The following EMCN variants were observed in gnomAD, a reference collection of about 807,000 sequenced individuals.
EMCN encodes endomucin, also known as MUC-14.
EMCN carries 37 observed loss-of-function variants against 38.4 expected under a neutral mutation model. The ratio of observed to expected loss-of-function variants is 0.96; its 90% CI spans 0.74 to 1.27. The LOEUF (loss-of-function observed/expected upper bound fraction) is 1.27. Ranked by LOEUF, EMCN falls within the 50% of genes most tolerant of loss-of-function variation. The pLI, the probability that EMCN is intolerant of heterozygous loss-of-function variation, is 0.00. For synonymous variants in EMCN, 95 were observed against 100.8 expected, an observed-to-expected ratio of 0.94 and a Z score of 0.35; for missense variants, 318 against 302.8, an observed-to-expected ratio of 1.05 and a Z score of -0.37.
At chr4:100,414,855 T>C (rs1027088541) in intron 10 of EMCN, among the ~76,000 whole-genome samples, 2 of 152,202 alleles carry the variant, frequency 1.3e-5, no homozygotes, top group African/African-American at 4.8e-5. Flanking sequence ...ATTATAAATG[T>C]ATTAATGTAA....
At chr4:100,444,739 G>A (rs1486827846) in intron 5 of EMCN, among the ~76,000 whole-genome samples, 1 of 152,098 alleles carries the variant, frequency 6.6e-6, no homozygotes, top group African/African-American at 2.4e-5. Context: ...CTCACGCTTG[G>A]AGCAGGATGC....
chr4:100,399,982 T>A (rs1353443521), intron 11 of EMCN, among the ~76,000 whole-genome samples: 1 of 152,178 alleles, frequency 6.6e-6, no homozygotes, highest in Non-Finnish European at 1.5e-5. Flanking sequence ...ACTTTTGATG[T>A]CATTAGTGAA....
rs1189858290 is a variant in EMCN at position 100,396,987 on chromosome 4, C to T, written c.*1426G>A. ...CCATCCTTCTCAAAGAGACACCAGT[C>T]AGAAATATAGATATGCTTATGCTTG... On this transcript the variant is annotated 3_prime_UTR_variant, in exon 12 of 12. Transcript: ENST00000296420. The T allele has an allele frequency of 1.3e-5, 2 of 150,564 alleles. No homozygotes were observed. The highest frequency in any genetic ancestry group is 1.3e-4 in the Admixed American group (2 of 15,036). 9.3% of individuals were successfully genotyped at this position (150,564 alleles called of 1,614,324 possible).
chr4:100,428,808 G>T (rs527319837), intron 5 of EMCN, among the ~76,000 whole-genome samples: 1 of 152,226 alleles, frequency 6.6e-6, no homozygotes, highest in East Asian at 1.9e-4. Context: ...ACCACTAAAT[G>T]TTGAAGAAAA....
intron 1 of EMCN, among the ~76,000 whole-genome samples, chr4:100,505,037 GTCTC>G (rs1052519569): frequency 6.6e-6 from 1 of 152,184 alleles, no homozygotes; most frequent in Non-Finnish European, 1.5e-5. Context: ...GGCATAAGCT[GTCTC>G]TCTCTCTTTC....
chr4:100,482,140 T>G (rs1420178301), intron 1 of EMCN, among the ~76,000 whole-genome samples: 1 of 152,152 alleles, frequency 6.6e-6, no homozygotes, highest in Non-Finnish European at 1.5e-5. Context: ...TAAACCAGTG[T>G]TTTTCATACT....
chr4:100,431,692 A>G (rs1392249953), intron 5 of EMCN, among the ~76,000 whole-genome samples: 3 of 151,664 alleles, frequency 2.0e-5, no homozygotes, highest in Non-Finnish European at 4.4e-5. Context: ...CTCAGCCTCT[A>G]TTATCACATG....
At chr4:100,416,974 G>T in intron 9 of EMCN, 143 bp downstream of exon 9, 3 of 741,630 alleles carry the variant, frequency 4.0e-6, no homozygotes, top group Non-Finnish European at 6.8e-6. Context: ...CTGTTAAATG[G>T]AGAGAGCTCT....
chr4:100,436,966 G>A (rs564005592), intron 5 of EMCN, among the ~76,000 whole-genome samples: 1 of 152,156 alleles, frequency 6.6e-6, no homozygotes, highest in Non-Finnish European at 1.5e-5. Context: ...AAACCATCAC[G>A]GCACACGTTT....
chr4:100,485,939 G>A (rs1021053277), intron 1 of EMCN, among the ~76,000 whole-genome samples: 2 of 151,928 alleles, frequency 1.3e-5, no homozygotes, highest in Non-Finnish European at 1.5e-5. Context: ...CATTAGCCAA[G>A]AGTCATTTGC....
At chr4:100,430,799 A>G (rs148406543) in intron 5 of EMCN, among the ~76,000 whole-genome samples, 1 of 152,168 alleles carries the variant, frequency 6.6e-6, no homozygotes, top group Non-Finnish European at 1.5e-5. Context: ...ACACGATCAC[A>G]TATACGTTGA....
At chr4:100,466,398 T>TA (rs1328243391) in intron 3 of EMCN, among the ~76,000 whole-genome samples, 3 of 152,232 alleles carry the variant, frequency 2.0e-5, no homozygotes, top group Non-Finnish European at 4.4e-5. Context: ...TGCAGTCAAC[T>TA]TCCATTCTAT....
chr4:100,460,800 A>G (rs1728158528), intron 4 of EMCN, among the ~76,000 whole-genome samples: 1 of 152,178 alleles, frequency 6.6e-6, no homozygotes, highest in Admixed American at 6.6e-5. Flanking sequence ...TTCATTTGAT[A>G]CAATCTCATT....
At chr4:100,504,973 T>G (rs1164372626) in intron 1 of EMCN, among the ~76,000 whole-genome samples, 5 of 152,302 alleles carry the variant, frequency 3.3e-5, no homozygotes, top group Admixed American at 6.5e-5. Context: ...CCCTTTTAGA[T>G]AGCAGTAGCA....
At chr4:100,494,851 TC>T (rs1372642368) in intron 1 of EMCN, among the ~76,000 whole-genome samples, 1 of 151,950 alleles carries the variant, frequency 6.6e-6, no homozygotes, top group South Asian at 2.1e-4. Context: ...AAATGAAGCA[TC>T]CAAAGGACTT....
intron 4 of EMCN, among the ~76,000 whole-genome samples, chr4:100,448,700 A>G (rs1451476708): frequency 6.6e-6 from 1 of 151,818 alleles, no homozygotes; most frequent in African/African-American, 2.4e-5. Flanking sequence ...TTGCTCCTCA[A>G]CTCATCTCCA....
intron 10 of EMCN, among the ~76,000 whole-genome samples, chr4:100,411,413 C>G (rs1330298207): frequency 3.9e-5 from 6 of 152,128 alleles, no homozygotes; most frequent in African/African-American, 1.4e-4. Context: ...CTAGTATCTG[C>G]CAGAAGTCAT....
chr4:100,465,353 G>A (rs190437299), intron 4 of EMCN, 70 bp downstream of exon 4: 26 of 852,934 alleles, frequency 3.0e-5, no homozygotes, highest in Middle Eastern at 4.7e-4. Context: ...GTTGTATGCT[G>A]GAAAACATTC....
chr4:100,432,595 G>A (rs1424476665), intron 5 of EMCN, among the ~76,000 whole-genome samples: 1 of 152,122 alleles, frequency 6.6e-6, no homozygotes, highest in Non-Finnish European at 1.5e-5. Flanking sequence ...TTCATACCAA[G>A]TTTGGGGCCT....
Sources: allele counts gnomAD v4.1 joint callset (sites outside exome capture counted in the v4.1 genomes callset), GRCh38; gene constraint gnomAD v4.1.1; transcripts MANE v1.5; gene names NCBI Gene and HGNC (gene_info 2026-07-23, HGNC 2026-07-21).